The following RGS9 variants were observed in gnomAD, a reference collection of about 807,000 sequenced individuals.
The protein encoded by RGS9 is regulator of G protein signaling 9, also known as regulator of G-protein signalling 9.
Under a neutral mutation model 102.0 loss-of-function variants are expected in RGS9, and 78 were observed. The observed-to-expected ratio is 0.76, with a 90% CI of 0.64 to 0.92. The LOEUF is 0.92. Among genes scored for constraint, RGS9 ranks in the 40% least tolerant of loss-of-function variants. RGS9 has a pLI of 0.00. For synonymous variants in RGS9, 353 were observed against 318.6 expected, an observed-to-expected ratio of 1.11 and a Z score of -1.15; for missense variants, 833 against 866.1, an observed-to-expected ratio of 0.96 and a Z score of 0.48.
At chr17:65,211,800 C>T (rs1015788104) in intron 17 of RGS9, among the ~76,000 whole-genome samples, 3 of 152,244 alleles carry the variant, frequency 2.0e-5, no homozygotes, top group African/African-American at 7.2e-5. Flanking sequence ...AGACGTGGTT[C>T]TCTCTCATGG....
At position 65,158,472 on chromosome 17, in the gene RGS9, G is replaced by A. The variant is rs185477311; in HGVS notation, c.205+127G>A. 8.0e-4 allele frequency: 698 copies of A among 872,454 alleles called. 3 individuals carry two copies. The highest frequency in any genetic ancestry group is 1.2e-3 in the Admixed American group (69 of 57,392). 54.0% of individuals were successfully genotyped at this position (872,454 alleles called of 1,614,324 possible). ...TTTTAATTGGACAGACATGACCTTC[G>A]TGTGTAAAAGTACCAGAATCAAAAG... On this transcript the variant is annotated intron_variant, in intron 3 of 18. Coordinates refer to ENST00000262406, the MANE Select transcript of RGS9 (RefSeq NM_003835.4).
chr17:65,198,820 G>A (rs991953901), intron 13 of RGS9, among the ~76,000 whole-genome samples: 5 of 152,164 alleles, frequency 3.3e-5, no homozygotes, highest in African/African-American at 7.2e-5. Flanking sequence ...GCTGACTGCC[G>A]GATGCAAAAC....
chr17:65,154,842 C>T (rs373882397), intron 2 of RGS9, among the ~76,000 whole-genome samples: 57 of 152,336 alleles, frequency 3.7e-4, no homozygotes, highest in African/African-American at 1.3e-3. Flanking sequence ...GGCCTCACCA[C>T]GGCTGTGCTC....
chr17:65,214,393 G>A lies in RGS9; in HGVS notation c.1407+3788G>A, dbSNP rs561391198. Among the ~76,000 whole-genome samples, 7 of 152,338 alleles carry A rather than the reference G, an allele frequency of 4.6e-5. No homozygotes were observed. In the East Asian group the frequency reaches 5.8e-4, roughly 13 times the overall value. On this transcript the variant is annotated intron_variant, in intron 17 of 18. Transcript: ENST00000262406. ...TGCATGGATGCAAACAGCTGTAGCC[G>A]GAGGCAGGATGCAGTCGAGACTGGA...
intron 1 of RGS9, among the ~76,000 whole-genome samples, chr17:65,153,047 A>C (rs2143973836): frequency 6.6e-6 from 1 of 151,742 alleles, no homozygotes; most frequent in East Asian, 1.9e-4. Flanking sequence ...TCCAGCTGCA[A>C]CTCCTGCTGT....
chr17:65,194,527 CT>C (rs1392159051), intron 12 of RGS9, among the ~76,000 whole-genome samples: 3 of 152,154 alleles, frequency 2.0e-5, no homozygotes, highest in African/African-American at 7.2e-5. Flanking sequence ...TTAGCGTAAA[CT>C]TAAGTTCTGG....
intron 7 of RGS9, among the ~76,000 whole-genome samples, chr17:65,163,305 C>T (rs1049625054): frequency 6.6e-6 from 1 of 151,340 alleles, no homozygotes; most frequent in Non-Finnish European, 1.5e-5. Flanking sequence ...TCCCAAGTAG[C>T]TGAGATTACA....
chr17:65,152,082 C>T (rs1404218262), intron 1 of RGS9, among the ~76,000 whole-genome samples: 6 of 152,106 alleles, frequency 3.9e-5, no homozygotes, highest in South Asian at 2.1e-4. Context: ...CGGAGCAGGG[C>T]GTCAGGAGTG....
chr17:65,166,282 C>T (rs1354668656), intron 7 of RGS9, among the ~76,000 whole-genome samples: 2 of 152,212 alleles, frequency 1.3e-5, no homozygotes, highest in East Asian at 3.8e-4. Flanking sequence ...GAGACATAGA[C>T]ACATCTGTCA....
At chr17:65,144,707 G>A (rs1190963642) in intron 1 of RGS9, among the ~76,000 whole-genome samples, 3 of 152,186 alleles carry the variant, frequency 2.0e-5, no homozygotes, top group Non-Finnish European at 4.4e-5. Context: ...CAGCAGAATA[G>A]CAAGGGCATC....
rs1256768534 is a variant in RGS9, at chr17:65,160,264, G to A, written c.237G>A (p.Arg79=). The part of the protein sequence containing the change: ...EAQNLGNFIV[R]YGYIYPLQDP... ...AGAACTTGGGCAACTTTATTGTCAG[G>A]TATGGCTACATTTACCCCCTGCAAG... is the stretch of plus-strand genomic sequence containing the variant. The change falls in exon 4 of 19, where the codon AGG becomes AGA. Residue 79 remains arginine (R), a synonymous_variant. Coordinates refer to ENST00000262406, the MANE Select transcript of RGS9 (RefSeq NM_003835.4). The A allele has an allele frequency of 3.1e-6, 5 of 1,614,152 alleles. No individual in the cohort carries two copies. The highest frequency in any genetic ancestry group is 4.2e-6 in the Non-Finnish European group (5 of 1,180,016).
At chr17:65,196,697 G>A (rs989320941) in intron 12 of RGS9, among the ~76,000 whole-genome samples, 4 of 150,926 alleles carry the variant, frequency 2.7e-5, no homozygotes, top group Non-Finnish European at 6.0e-5. Context: ...GCTGTCGTGG[G>A]TGATAGGCAC....
rs373089759 is a variant in RGS9 at position 65,226,018 on chromosome 17, A to G, written c.1892+532A>G. 1.6e-3 allele frequency among the ~76,000 whole-genome samples: 236 copies of G among 152,116 alleles called. 1 individual carries two copies. Among genetic ancestry groups the G allele is most frequent in the African/African-American group, 5.3e-3 (218 of 41,476 alleles). ...TTCAGGGAGCCTTGTTCTGGCAGTC[A>G]TTTCTGTGAAAATGAAAGTGCGTAG... On this transcript the variant is annotated intron_variant, in intron 18 of 18. Coordinates refer to ENST00000262406, the MANE Select transcript of RGS9 (RefSeq NM_003835.4).
At chr17:65,201,426 G>A (rs1477394169) in intron 13 of RGS9, among the ~76,000 whole-genome samples, 1 of 152,102 alleles carries the variant, frequency 6.6e-6, no homozygotes, top group Non-Finnish European at 1.5e-5. Flanking sequence ...GTCTGGTGAG[G>A]GACTGCAAAT....
intron 17 of RGS9, 174 bp downstream of exon 17, chr17:65,210,779 C>G (rs1460574241): frequency 3.7e-6 from 4 of 1,070,504 alleles, no homozygotes; most frequent in Non-Finnish European, 5.3e-6. Context: ...TCATCCCATA[C>G]TCCTCTAACT....
At chr17:65,215,489 GTTCTTTCGTTCTTTCT>G (rs1198400987) in intron 17 of RGS9, among the ~76,000 whole-genome samples, 135 of 116,184 alleles carry the variant, frequency 1.2e-3, no homozygotes, top group African/African-American at 3.2e-3. Flanking sequence ...TCTTTCTTTC[GTTCTTTCGTTCTTTCT>G]TTCTTTCTTT....
chr17:65,145,823 C>T (rs8079408), intron 1 of RGS9, among the ~76,000 whole-genome samples: 4,313 of 152,080 alleles, frequency 0.028, 202 homozygotes, highest in African/African-American at 0.097. Flanking sequence ...CTGTGGTTTC[C>T]TGGGGAGACT....
rs112392718 is a variant in RGS9 at position 65,177,089 on chromosome 17, C to T, written c.583-643C>T. Among the ~76,000 whole-genome samples, 357 of 143,908 alleles carry T rather than the reference C, an allele frequency of 2.5e-3. 2 individuals are homozygous for T. Among genetic ancestry groups the T allele is most frequent in the African/African-American group, 9.4e-3 (320 of 34,094 alleles). The allele number at this position is 143,908 out of a possible 152,430, so 94.4% of individuals were successfully genotyped here. ...TCCATCCATCCATCCATCCATCCAT[C>T]CATCCTTCCATCCCTCCATTCATCC... On this transcript the variant is annotated intron_variant, in intron 8 of 18. Coordinates refer to ENST00000262406, the MANE Select transcript of RGS9 (RefSeq NM_003835.4).
intron 1 of RGS9, among the ~76,000 whole-genome samples, chr17:65,147,503 A>G (rs769256500): frequency 3.3e-5 from 5 of 151,400 alleles, no homozygotes; most frequent in Non-Finnish European, 5.9e-5. Flanking sequence ...GACAGGTGGC[A>G]GGTAGCATTT....
Sources: gnomAD v4.1 joint callset for allele counts (sites outside exome capture counted in the v4.1 genomes callset) on GRCh38, gnomAD v4.1.1 for gene constraint, MANE v1.5 for transcripts, NCBI Gene and HGNC (gene_info 2026-07-23, HGNC 2026-07-21) for gene names.